Variants in ABHD13 observed in about 807,000 individuals in gnomAD.
The protein encoded by ABHD13 is protein ABHD13.
In ABHD13, 7 loss-of-function variants were observed where a neutral mutation model predicts 25.2. That is an observed-to-expected ratio of 0.28 (90% CI 0.16 to 0.52). The LOEUF (loss-of-function observed/expected upper bound fraction) is 0.52, where lower values mean the gene tolerates loss of function less well. Among genes scored for constraint, ABHD13 ranks in the 20% least tolerant of loss-of-function variants. The probability of loss-of-function intolerance (pLI) is 0.96; values close to 1 mark genes in which losing one functional copy is unlikely to be tolerated. For synonymous variants in ABHD13, 133 were observed against 136.1 expected, an observed-to-expected ratio of 0.98 and a Z score of 0.16; for missense variants, 302 against 402.7, an observed-to-expected ratio of 0.75 and a Z score of 2.14.
rs1566379695 is a variant in ABHD13, at chr13:108,224,169, TTTTC to T, written c.-20-5026_-20-5023del. ...ATGACAATTGTCATCTTTCTTTGAT[TTTTC>T]TTTGTCTGCTCTATAATTAAATGAA... On this transcript the variant is annotated intron_variant, in intron 1 of 1. Transcript: ENST00000375898. Among the ~76,000 whole-genome samples, 4 of 152,352 alleles carry T rather than the reference TTTTC, an allele frequency of 2.6e-5. No homozygotes were observed. In the South Asian group the frequency reaches 8.3e-4, roughly 32 times the overall value.
intron 1 of ABHD13, among the ~76,000 whole-genome samples, chr13:108,219,758 G>A (rs540097649): frequency 4.7e-4 from 71 of 152,312 alleles, no homozygotes; most frequent in African/African-American, 1.7e-3. Flanking sequence ...AGTAACTTCT[G>A]CCACGTAAGT....
chr13:108,226,865 G>A (rs1879685219), intron 1 of ABHD13, among the ~76,000 whole-genome samples: 1 of 152,078 alleles, frequency 6.6e-6, no homozygotes, highest in African/African-American at 2.4e-5. Flanking sequence ...ACAGACTAGG[G>A]AACAGAGATT....
intron 1 of ABHD13, among the ~76,000 whole-genome samples, chr13:108,221,767 T>G (rs1376784491): frequency 3.9e-5 from 6 of 152,170 alleles, no homozygotes; most frequent in African/African-American, 1.4e-4. Flanking sequence ...GTAATGCACT[T>G]TTTTGTATTT....
chr13:108,220,978 A>C (rs920440767), intron 1 of ABHD13, among the ~76,000 whole-genome samples: 1 of 152,260 alleles, frequency 6.6e-6, no homozygotes, highest in African/African-American at 2.4e-5. Flanking sequence ...TTATAATCTC[A>C]GAACAAATTG....
rs9587533 is a variant in ABHD13, at chr13:108,223,878, G to A, written c.-21+5219G>A. The stretch of plus-strand genomic sequence containing the variant: ...AATTCCTCTATGCTATCCTTGCCAA[G>A]TATTTATTTAGATTATGCTGAATAC... On this transcript the variant is annotated intron_variant, in intron 1 of 1. Coordinates refer to ENST00000375898, the MANE Select transcript of ABHD13 (RefSeq NM_032859.3). Among the ~76,000 whole-genome samples, 246 of 152,244 alleles carry A rather than the reference G, an allele frequency of 1.6e-3. 1 individual carries two copies. Among genetic ancestry groups the A allele is most frequent in the African/African-American group, 5.7e-3 (238 of 41,548 alleles).
intron 1 of ABHD13, among the ~76,000 whole-genome samples, chr13:108,222,368 T>G (rs984904577): frequency 2.0e-5 from 3 of 152,204 alleles, no homozygotes; most frequent in East Asian, 1.9e-4. Flanking sequence ...ATTTTTAGTT[T>G]TTGGAGAAAA....
intron 1 of ABHD13, among the ~76,000 whole-genome samples, chr13:108,223,942 A>T (rs1228643842): frequency 2.0e-5 from 3 of 152,236 alleles, no homozygotes; most frequent in African/African-American, 4.8e-5. Flanking sequence ...ATGAATAAAA[A>T]TAAGTGTCAC....
Position 108,229,364 on chromosome 13 carries a change from T to C in ABHD13, c.146T>C (p.Ile49Thr), listed in dbSNP as rs200506444. Residue 49 changes from isoleucine (I) to threonine (T), a missense_variant, in exon 2 of 2, where the codon ATA (isoleucine) becomes ACA (threonine). Physicochemically the swap from Ile to Thr is moderately conservative, Grantham distance 89. Transcript: ENST00000375898. The surrounding 1 kb of genome is among the most constrained non-coding windows in gnomAD (Gnocchi z 4.7). ...GGAGGCATTATCTTACTTTTGTTAA[T>C]ATTCATATCAATAGCAGGTATTCTG... ...LYGGIILLLL[I>T]FISIAGILYK... is the part of the protein sequence containing the mutation. 229 of 1,612,666 alleles carry C rather than the reference T, an allele frequency of 1.4e-4. No individual in the cohort carries two copies. Among genetic ancestry groups the C allele is most frequent in the Non-Finnish European group, 1.5e-4 (175 of 1,179,234 alleles).
rs1879774118 is a variant in ABHD13, at chr13:108,230,310, T to C, written c.*78T>C. On this transcript the variant is annotated 3_prime_UTR_variant, in exon 2 of 2. Transcript: ENST00000375898. ...GAATGTTCCTTTTAGAAGTGTGTTA[T>C]GTCTGTACCTGTCTGAAGAGTGACA... The C allele has an allele frequency of 5.1e-6, 6 of 1,184,218 alleles. No individual in the cohort carries two copies. The highest frequency in any genetic ancestry group is 7.0e-6 in the Non-Finnish European group (6 of 859,652). 73.4% of individuals were successfully genotyped at this position (1,184,218 alleles called of 1,614,324 possible).
rs1664756329 is a variant in ABHD13 at position 108,231,964 on chromosome 13, C to T, written c.*1732C>T. On this transcript the variant is annotated 3_prime_UTR_variant, in exon 2 of 2. Transcript: ENST00000375898. ...ATATTTTGTATGTATAAATTCACCA[C>T]AATTAAAGATTATTCTTGTCAGTCC... is the stretch of plus-strand genomic sequence containing the variant. 6.0e-6 allele frequency: 1 copy of T among 166,784 alleles called. No individual in the cohort carries two copies. Among genetic ancestry groups the T allele is most frequent in the Non-Finnish European group, 1.5e-5 (1 of 67,976 alleles). 10.3% of individuals were successfully genotyped at this position (166,784 alleles called of 1,614,324 possible).
chr13:108,225,171 T>G (rs188264012), intron 1 of ABHD13, among the ~76,000 whole-genome samples: 1 of 152,222 alleles, frequency 6.6e-6, no homozygotes, highest in Non-Finnish European at 1.5e-5. Flanking sequence ...GCTTTTTTTG[T>G]GTATAATTAG....
chr13:108,226,097 A>G (rs951362452), intron 1 of ABHD13, among the ~76,000 whole-genome samples: 1 of 152,178 alleles, frequency 6.6e-6, no homozygotes, highest in Non-Finnish European at 1.5e-5. Context: ...GGTCAATTGG[A>G]CATTGATACT....
intron 1 of ABHD13, among the ~76,000 whole-genome samples, chr13:108,219,666 A>C (rs1879507246): frequency 2.0e-5 from 3 of 152,242 alleles, no homozygotes; most frequent in African/African-American, 2.4e-5. Flanking sequence ...TGCTGCGTAC[A>C]GAAAATGTAG....
chr13:108,227,401 T>C (rs12856974), intron 1 of ABHD13, among the ~76,000 whole-genome samples: 8,811 of 152,186 alleles, frequency 0.058, 249 homozygotes, highest in East Asian at 0.11. Flanking sequence ...CAATTCCTAG[T>C]CTTATAAATT....
At chr13:108,222,619 T>C (rs1176853216) in intron 1 of ABHD13, among the ~76,000 whole-genome samples, 1 of 152,120 alleles carries the variant, frequency 6.6e-6, no homozygotes, top group Non-Finnish European at 1.5e-5. Context: ...TATATAGATA[T>C]TTATTGTGTT....
Position 108,229,200 on chromosome 13 carries a change from A to T in ABHD13, c.-19A>T. ...GATATTCTCCCTCTCTCTCTCTAGG[A>T]TACTTACAGAGAGCTACAATGGAAA... On this transcript the variant is annotated splice_region_variant and 5_prime_UTR_variant, in exon 2 of 2. Transcript: ENST00000375898. The surrounding 1 kb of genome is among the most constrained non-coding windows in gnomAD (Gnocchi z 4.7). The T allele has an allele frequency of 1.3e-6, 2 of 1,522,028 alleles. No homozygotes were observed. Among genetic ancestry groups the T allele is most frequent in the Non-Finnish European group, 1.8e-6 (2 of 1,139,126 alleles). 94.3% of individuals were successfully genotyped at this position (1,522,028 alleles called of 1,614,324 possible). A position where few individuals can be genotyped will look rare whatever the true frequency, so the allele number is the denominator to read the frequency against.
In ABHD13 at chr13:108,230,424, C is replaced by A. The variant is rs1198974002; in HGVS notation, c.*192C>A. On this transcript the variant is annotated 3_prime_UTR_variant, in exon 2 of 2. Transcript: ENST00000375898. ...AACTAATTCTTGGGATTCTTTCATA[C>A]ATTTTCATCAAAACTTTCAGTGTGA... The A allele has an allele frequency of 3.0e-5, 16 of 532,202 alleles. No individual in the cohort carries two copies. The highest frequency in any genetic ancestry group is 4.4e-5 in the Non-Finnish European group (13 of 297,512). 33.0% of individuals were successfully genotyped at this position (532,202 alleles called of 1,614,324 possible).
rs577343228 is a variant in ABHD13 at position 108,232,321 on chromosome 13, G to A, written c.*2089G>A. ...AAAAATTGTAGAGTACTTGTTTGGCGTTCCCTACCTTCATTCTCTTAGGGT... is the reference window on the plus strand; with the variant it reads ...AAAAATTGTAGAGTACTTGTTTGGCATTCCCTACCTTCATTCTCTTAGGGT... On this transcript the variant is annotated 3_prime_UTR_variant, in exon 2 of 2. Coordinates refer to ENST00000375898, the MANE Select transcript of ABHD13 (RefSeq NM_032859.3). 7 of 166,850 alleles carry A rather than the reference G, an allele frequency of 4.2e-5. No individual in the cohort carries two copies. The South Asian group carries it at 1.0e-3, about 25-fold the overall frequency. 10.3% of individuals were successfully genotyped at this position (166,850 alleles called of 1,614,324 possible).
At position 108,218,780 on chromosome 13, in the gene ABHD13, G is replaced by A. The variant is rs182950778; in HGVS notation, c.-21+121G>A. On this transcript the variant is annotated intron_variant, in intron 1 of 1. Transcript: ENST00000375898. ...GCGCGAAACCCTCCCGGGAGGCTGT[G>A]GGGGGAGCCCCGGGGCTAGTGCGGC... The A allele has an allele frequency of 3.3e-3, 502 of 151,938 alleles. 1 individual carries two copies. The highest frequency in any genetic ancestry group is 8.1e-3 in the South Asian group (39 of 4,810). 9.4% of individuals were successfully genotyped at this position (151,938 alleles called of 1,614,324 possible). A position where few individuals can be genotyped will look rare whatever the true frequency, so the allele number is the denominator to read the frequency against.
Sources: allele counts gnomAD v4.1 joint callset (sites outside exome capture counted in the v4.1 genomes callset), GRCh38; gene constraint gnomAD v4.1.1; non-coding constraint Gnocchi (gnomAD v3.1); transcripts MANE v1.5; gene names NCBI Gene and HGNC (gene_info 2026-07-23, HGNC 2026-07-21).